SEC22C: variants seen among roughly 807,000 people sequenced by gnomAD.
SEC22C encodes the protein vesicle-trafficking protein SEC22c.
SEC22C carries 29 observed loss-of-function variants against 34.7 expected under a neutral mutation model. The ratio of observed to expected loss-of-function variants is 0.84; its 90% confidence interval spans 0.62 to 1.14. The LOEUF (loss-of-function observed/expected upper bound fraction) is 1.14. Among genes scored for constraint, SEC22C ranks in the 50% most tolerant of loss-of-function variants. The pLI, the probability that SEC22C is intolerant of heterozygous loss-of-function variation, is 0.00. For synonymous variants in SEC22C, 117 were observed against 132.8 expected, an observed-to-expected ratio of 0.88 and a Z score of 0.82; for missense variants, 337 against 369.0, an observed-to-expected ratio of 0.91 and a Z score of 0.71.
At chr3:42,583,810 C>T (rs1033753823), upstream of SEC22C, among the ~76,000 whole-genome samples, 10 of 152,120 alleles carry the variant, frequency 6.6e-5, no homozygotes, top group African/African-American at 1.7e-4. Context: ...CAGAATTCCC[C>T]GTTCCCCTAA....
chr3:42,585,825 A>T (rs1343279666), upstream of SEC22C, among the ~76,000 whole-genome samples: 1 of 152,168 alleles, frequency 6.6e-6, no homozygotes, highest in East Asian at 1.9e-4. Context: ...GTCAACTTCA[A>T]CTAGGTCCTC....
rs138904862 is a variant in SEC22C at position 42,569,207 on chromosome 3, T to C, written c.-27-134A>G. On this transcript the variant is annotated intron_variant, in intron 1 of 6. Coordinates refer to ENST00000264454, the MANE Select transcript of SEC22C (RefSeq NM_032970.4). ...ATTGCAAATGTTGCTTTTATTGTTA[T>C]TTCCCTGGCCTCTACTGCTATATCA... 8.9e-4 allele frequency: 573 copies of C among 640,552 alleles called. 1 individual carries two copies. The highest frequency in any genetic ancestry group is 3.4e-3 in the Middle Eastern group (8 of 2,332). The allele number at this position is 640,552 out of a possible 1,614,324, so 39.7% of individuals were successfully genotyped here.
At chr3:42,599,849 G>C (rs1705208666) in intron 1 of SEC22C, among the ~76,000 whole-genome samples, 1 of 152,102 alleles carries the variant, frequency 6.6e-6, no homozygotes, top group Non-Finnish European at 1.5e-5. Context: ...ACATATATGA[G>C]AACACAGAAT....
chr3:42,554,780 G>A (rs1702425599), intron 6 of SEC22C, among the ~76,000 whole-genome samples: 1 of 152,128 alleles, frequency 6.6e-6, no homozygotes, highest in Non-Finnish European at 1.5e-5. Context: ...TCCATACGGA[G>A]GACAAGGAAG....
chr3:42,581,003 C>T (rs989048433), intron 1 of SEC22C, among the ~76,000 whole-genome samples: 6 of 152,230 alleles, frequency 3.9e-5, no homozygotes, highest in African/African-American at 1.4e-4. Context: ...AACACTGACT[C>T]CAAGATGGCT....
intron 5 of SEC22C, 57 bp from the exon 6 acceptor site, chr3:42,556,052 T>A: frequency 7.3e-7 from 1 of 1,370,872 alleles, no homozygotes; most frequent in Non-Finnish European, 1.0e-6. Flanking sequence ...GGAAACACTG[T>A]GACATAAAGC....
intron 1 of SEC22C, among the ~76,000 whole-genome samples, chr3:42,598,904 A>C (rs375252028): frequency 7.4e-6 from 1 of 134,322 alleles, no homozygotes; most frequent in East Asian, 1.9e-4. Flanking sequence ...ACTTTCACAT[A>C]ATGTGTATAT....
intron 1 of SEC22C, among the ~76,000 whole-genome samples, chr3:42,577,105 T>A (rs1704013985): frequency 6.6e-6 from 1 of 151,902 alleles, no homozygotes; most frequent in Non-Finnish European, 1.5e-5. Context: ...ACATAAAAAT[T>A]AACTAAAAAT....
chr3:42,596,216 T>C (rs147125447), intron 1 of SEC22C, among the ~76,000 whole-genome samples: 128 of 152,222 alleles, frequency 8.4e-4, no homozygotes, highest in African/African-American at 3.0e-3. Context: ...GAGACGGGGT[T>C]TCTCCATGTT....
At chr3:42,585,042 T>A (rs1704566958), upstream of SEC22C, among the ~76,000 whole-genome samples, 1 of 152,056 alleles carries the variant, frequency 6.6e-6, no homozygotes, top group African/African-American at 2.4e-5. Flanking sequence ...GGCAGGAGAA[T>A]CACTTGAACC....
At chr3:42,591,357 C>G (rs1036908959) in intron 1 of SEC22C, 9 of 607,416 alleles carry the variant, frequency 1.5e-5, no homozygotes, top group Non-Finnish European at 2.6e-5. Flanking sequence ...CGACGCCACT[C>G]CCGGCTAATT....
chr3:42,554,660 A>T (rs915380203), intron 6 of SEC22C, among the ~76,000 whole-genome samples: 1 of 152,154 alleles, frequency 6.6e-6, no homozygotes, highest in Non-Finnish European at 1.5e-5. Flanking sequence ...TTAAGAATAA[A>T]CCATTCTAGG....
rs1479501834 is a variant in SEC22C at position 42,550,892 on chromosome 3, C to T, written c.*2356G>A. On this transcript the variant is annotated 3_prime_UTR_variant, in exon 7 of 7. Coordinates refer to ENST00000264454, the MANE Select transcript of SEC22C (RefSeq NM_032970.4). ...ACTTTTTTTTTTTTTTTTTTTGAGACGGAGTCTTGCTTTGTCACCAGGCTG... is the reference window on the plus strand; with the variant it reads ...ACTTTTTTTTTTTTTTTTTTTGAGATGGAGTCTTGCTTTGTCACCAGGCTG... The T allele has an allele frequency of 7.9e-5, 69 of 870,424 alleles. No individual in the cohort carries two copies. Among genetic ancestry groups the T allele is most frequent in the Admixed American group, 3.0e-4 (4 of 13,426 alleles). The allele number at this position is 870,424 out of a possible 1,614,324, so 53.9% of individuals were successfully genotyped here.
At chr3:42,591,719 C>G (rs1704854370) in intron 1 of SEC22C, 2 of 755,090 alleles carry the variant, frequency 2.6e-6, no homozygotes. Context: ...CCTCTTTGAA[C>G]TGAGGAAAGA....
At chr3:42,591,544 A>G (rs1704843228) in intron 1 of SEC22C, 9 of 1,613,894 alleles carry the variant, frequency 5.6e-6, no homozygotes, top group Non-Finnish European at 7.6e-6. Context: ...GAGAATGACC[A>G]GCTGATCCGC....
intron 4 of SEC22C, 41 bp from the exon 5 acceptor site, chr3:42,557,737 TTC>T: frequency 9.6e-7 from 1 of 1,038,164 alleles, no homozygotes; most frequent in East Asian, 2.4e-5. Flanking sequence ...TGTAAGTAAT[TTC>T]TACATGAAAG....
rs1245249684 is a variant in SEC22C at position 42,557,630 on chromosome 3, C to T, written c.593G>A (p.Cys198Tyr). 1.2e-6 allele frequency: 2 copies of T among 1,610,994 alleles called. No individual in the cohort carries two copies. The highest frequency in any genetic ancestry group is 1.7e-6 in the Non-Finnish European group (2 of 1,178,696). Residue 198 changes from cysteine (C) to tyrosine (Y), a missense_variant, in exon 5 of 7, where the codon TGT (cysteine) becomes TAT (tyrosine). Coordinates refer to ENST00000264454, the MANE Select transcript of SEC22C (RefSeq NM_032970.4). Reference sequence around the variant, plus strand: ...TCCTCGAATGAGATTCAGGGCAGCACACATGATGTTGAGAATGAGGGAGAG... The same window carrying T: ...TCCTCGAATGAGATTCAGGGCAGCATACATGATGTTGAGAATGAGGGAGAG... ...GILSLILNIM[C>Y]AALNLIRGVH... is the part of the protein sequence containing the mutation.
intron 1 of SEC22C, chr3:42,573,356 C>T (rs1703761143): frequency 6.6e-6 from 1 of 152,184 alleles, no homozygotes; most frequent in Non-Finnish European, 1.5e-5. Context: ...AAAACCTCGT[C>T]TCTATTAAAA....
intron 1 of SEC22C, chr3:42,580,511 G>A (rs139401087): frequency 1.6e-4 from 24 of 152,294 alleles, no homozygotes; most frequent in African/African-American, 5.5e-4. Flanking sequence ...AGTTGCTTGG[G>A]GATGGAGTGA....
Sources: allele counts gnomAD v4.1 joint callset (sites outside exome capture counted in the v4.1 genomes callset), GRCh38; gene constraint gnomAD v4.1.1; transcripts MANE v1.5; gene names NCBI Gene and HGNC (gene_info 2026-07-23, HGNC 2026-07-21).